Variants in ADGRB3 observed in about 807,000 individuals in gnomAD.
The protein encoded by ADGRB3 is adhesion G protein-coupled receptor B3.
In ADGRB3, 37 loss-of-function variants were observed where a neutral mutation model predicts 193.4. That is an observed-to-expected ratio of 0.19 (90% CI 0.15 to 0.25). ADGRB3 has a LOEUF of 0.25. Ranked by LOEUF, ADGRB3 falls within the 10% of genes least tolerant of loss-of-function variation. ADGRB3 has a pLI of 1.00. For missense variants in ADGRB3, 1,637 were observed against 1,852.9 expected (o/e 0.88, Z 2.14); for synonymous variants, 690 against 644.2 (o/e 1.07, Z -1.08).
intron 3 of ADGRB3, among the ~76,000 whole-genome samples, chr6:68,858,275 C>A (rs773213826): frequency 6.6e-6 from 1 of 152,024 alleles, no homozygotes; most frequent in African/African-American, 2.4e-5. Flanking sequence ...GAGGCCAAGG[C>A]GGGTGGATCA....
chr6:69,044,209 T>C (rs1771170553), intron 13 of ADGRB3, among the ~76,000 whole-genome samples: 1 of 152,188 alleles, frequency 6.6e-6, no homozygotes, highest in Non-Finnish European at 1.5e-5. Flanking sequence ...TTTTGGTCTT[T>C]GTCCAATTTG....
intron 3 of ADGRB3, among the ~76,000 whole-genome samples, chr6:68,852,271 G>T (rs949368942): frequency 4.0e-5 from 6 of 151,784 alleles, no homozygotes; most frequent in Non-Finnish European, 8.9e-5. Context: ...TATGCTTCAT[G>T]TCTTTTATTC....
intron 3 of ADGRB3, among the ~76,000 whole-genome samples, chr6:68,912,681 C>T (rs1766752077): frequency 6.6e-6 from 1 of 152,092 alleles, no homozygotes; most frequent in Non-Finnish European, 1.5e-5. Context: ...ATCCATGTCC[C>T]TACAAAGGAC....
Position 69,340,792 on chromosome 6 carries a change from G to A in ADGRB3, c.3459+1288G>A, listed in dbSNP as rs542341315. On this transcript the variant is annotated intron_variant, in intron 26 of 31. Coordinates refer to ENST00000370598, the MANE Select transcript of ADGRB3 (RefSeq NM_001704.3). ...CCCCCCACCCTTGACAGGACCTGGT[G>A]TGTGTTGTTACCCTCCCTGTGTCCG... Among the ~76,000 whole-genome samples, 95 of 152,202 alleles carry A rather than the reference G, an allele frequency of 6.2e-4. 1 individual carries two copies. Among genetic ancestry groups the A allele is most frequent in the African/African-American group, 2.2e-3 (92 of 41,526 alleles).
intron 11 of ADGRB3, among the ~76,000 whole-genome samples, chr6:69,008,261 A>C (rs1307773960): frequency 5.3e-5 from 8 of 152,108 alleles, no homozygotes; most frequent in Non-Finnish European, 7.4e-5. Context: ...GAGGGAAGTA[A>C]CCCTCATATG....
intron 3 of ADGRB3, among the ~76,000 whole-genome samples, chr6:68,756,876 G>A (rs538835694): frequency 1.3e-5 from 2 of 152,188 alleles, no homozygotes; most frequent in Admixed American, 6.5e-5. Flanking sequence ...CACATAACAT[G>A]TGCCTTCCAT....
intron 20 of ADGRB3, among the ~76,000 whole-genome samples, chr6:69,261,340 A>C (rs957899477): frequency 6.6e-6 from 1 of 152,138 alleles, no homozygotes; most frequent in Non-Finnish European, 1.5e-5. Flanking sequence ...AGAATGAAAA[A>C]ACTTCAAGAT....
chr6:68,706,830 G>T (rs191246199), intron 3 of ADGRB3, among the ~76,000 whole-genome samples: 1 of 152,242 alleles, frequency 6.6e-6, no homozygotes, highest in East Asian at 1.9e-4. Flanking sequence ...TTTTGATGGA[G>T]GCTGGGCGTG....
intron 20 of ADGRB3, among the ~76,000 whole-genome samples, chr6:69,322,505 G>A (rs867568642): frequency 1.3e-5 from 2 of 151,760 alleles, no homozygotes; most frequent in South Asian, 4.2e-4. Context: ...CACAACCTCA[G>A]CAGCATTTGT....
intron 24 of ADGRB3, among the ~76,000 whole-genome samples, chr6:69,333,724 C>T (rs1768776142): frequency 1.3e-5 from 2 of 150,470 alleles, no homozygotes; most frequent in South Asian, 4.2e-4. Flanking sequence ...CTGAGGTGGG[C>T]AGATCACGAG....
At chr6:68,842,837 T>C (rs1768187207) in intron 3 of ADGRB3, among the ~76,000 whole-genome samples, 2 of 152,006 alleles carry the variant, frequency 1.3e-5, no homozygotes, top group South Asian at 4.1e-4. Flanking sequence ...CCAAGTGGGA[T>C]TTATCTCAGG....
chr6:68,791,667 T>C (rs1197033031), intron 3 of ADGRB3, among the ~76,000 whole-genome samples: 2 of 152,192 alleles, frequency 1.3e-5, no homozygotes, highest in Non-Finnish European at 2.9e-5. Flanking sequence ...TATGTAAAAG[T>C]GTGACCACAT....
At chr6:69,178,646 C>G (rs1775498107) in intron 17 of ADGRB3, among the ~76,000 whole-genome samples, 1 of 152,152 alleles carries the variant, frequency 6.6e-6, no homozygotes, top group African/African-American at 2.4e-5. Flanking sequence ...TTTGGTCTGA[C>G]AGTAATAAAT....
intron 15 of ADGRB3, among the ~76,000 whole-genome samples, chr6:69,051,956 G>A (rs965013254): frequency 3.9e-5 from 6 of 152,074 alleles, no homozygotes; most frequent in East Asian, 3.9e-4. Flanking sequence ...GTGCAGTGGC[G>A]CGATCTCCGC....
intron 17 of ADGRB3, among the ~76,000 whole-genome samples, chr6:69,088,724 T>A (rs1479968695): frequency 6.6e-6 from 1 of 152,206 alleles, no homozygotes; most frequent in African/African-American, 2.4e-5. Flanking sequence ...TTTCTTTTCT[T>A]TCAAGAGAGA....
intron 6 of ADGRB3, among the ~76,000 whole-genome samples, chr6:68,948,846 T>A (rs909863633): frequency 5.3e-5 from 8 of 152,082 alleles, no homozygotes; most frequent in Non-Finnish European, 1.2e-4. Flanking sequence ...CATATATATA[T>A]AAATGGATTT....
At chr6:69,215,870 A>G (rs1582552089) in intron 17 of ADGRB3, among the ~76,000 whole-genome samples, 1 of 152,162 alleles carries the variant, frequency 6.6e-6, no homozygotes, top group Non-Finnish European at 1.5e-5. Flanking sequence ...CTTAGGCCCT[A>G]ATAATCCTCA....
intron 3 of ADGRB3, among the ~76,000 whole-genome samples, chr6:68,782,145 T>C (rs1766866481): frequency 9.2e-6 from 1 of 108,324 alleles, no homozygotes; most frequent in African/African-American, 3.7e-5. Flanking sequence ...CAACAGTCCC[T>C]GGTGTGTGAT....
At chr6:68,668,471 A>G (rs377001228) in intron 3 of ADGRB3, among the ~76,000 whole-genome samples, 18 of 152,078 alleles carry the variant, frequency 1.2e-4, no homozygotes, top group African/African-American at 4.1e-4. Flanking sequence ...TGGTAATTGT[A>G]TTCATTTTTA....
Sources: gnomAD v4.1 joint callset for allele counts (sites outside exome capture counted in the v4.1 genomes callset) on GRCh38, gnomAD v4.1.1 for gene constraint, MANE v1.5 for transcripts, NCBI Gene and HGNC (gene_info 2026-07-23, HGNC 2026-07-21) for gene names.